THSD7A: variants seen among roughly 807,000 people sequenced by gnomAD.
THSD7A encodes thrombospondin type 1 domain containing 7A, also known as thrombospondin type-1 domain-containing protein 7A.
In THSD7A, 96 loss-of-function variants were observed where a neutral mutation model predicts 231.3. The observed-to-expected ratio is 0.41, with a 90% CI of 0.35 to 0.49. The LOEUF (loss-of-function observed/expected upper bound fraction) is 0.49, where lower values mean the gene tolerates loss of function less well. Ranked by LOEUF, THSD7A falls within the 20% of genes least tolerant of loss-of-function variation. The pLI is 0.05. For synonymous variants in THSD7A, 940 were observed against 743.3 expected (o/e 1.26, Z -4.30); for missense variants, 2,290 against 2,070.2 (o/e 1.11, Z -2.06).
chr7:11,824,440 TC>T (rs970017341), intron 1 of THSD7A, among the ~76,000 whole-genome samples: 6 of 152,054 alleles, frequency 3.9e-5, no homozygotes, highest in Non-Finnish European at 7.4e-5. Context: ...CCTCCCACCA[TC>T]AGGCCTGTCC....
chr7:11,608,132 T>G (rs1044232683), intron 2 of THSD7A, among the ~76,000 whole-genome samples: 1 of 152,128 alleles, frequency 6.6e-6, no homozygotes, highest in Non-Finnish European at 1.5e-5. Flanking sequence ...CCACCTCAAG[T>G]GAAAACTCTA....
chr7:11,464,213 G>T (rs1460618530), intron 9 of THSD7A, among the ~76,000 whole-genome samples: 1 of 151,736 alleles, frequency 6.6e-6, no homozygotes, highest in Non-Finnish European at 1.5e-5. Context: ...GTTTAACATT[G>T]GGGGAAGCAG....
intron 1 of THSD7A, among the ~76,000 whole-genome samples, chr7:11,689,037 C>G (rs1780152757): frequency 6.6e-6 from 1 of 151,730 alleles, no homozygotes; most frequent in South Asian, 2.1e-4. Context: ...TGCAAGTTTT[C>G]CTTTGTTTAG....
chr7:11,580,823 C>A (rs1031668704), intron 4 of THSD7A, among the ~76,000 whole-genome samples: 5 of 152,010 alleles, frequency 3.3e-5, no homozygotes, highest in Non-Finnish European at 7.4e-5. Flanking sequence ...ACAATCTGTA[C>A]AACAAACCCC....
chr7:11,471,726 T>A (rs75573506), intron 8 of THSD7A, among the ~76,000 whole-genome samples: 1 of 152,086 alleles, frequency 6.6e-6, no homozygotes, highest in African/African-American at 2.4e-5. Flanking sequence ...ATTTGAATCA[T>A]AGAAGCAAAT....
chr7:11,636,583 G>C lies in THSD7A; in HGVS notation c.569C>G (p.Pro190Arg). ...AGACACGATGCAATCTTGCTGGCAAGGAATGAGGCAAGCCTGCTCCAGGAG... is the reference window on the plus strand; with the variant it reads ...AGACACGATGCAATCTTGCTGGCAACGAATGAGGCAAGCCTGCTCCAGGAG... Reference protein sequence around the residue: ...KPLLEQACLIPCQQDCIVSEF... With the variant: ...KPLLEQACLIRCQQDCIVSEF... Residue 190 changes from proline to arginine, a missense_variant, in exon 2 of 28, where the codon CCT becomes CGT. Pro to Arg is a moderately radical substitution (Grantham distance 103). Transcript: ENST00000423059. The surrounding 1 kb of genome is among the most constrained non-coding windows in gnomAD (Gnocchi z 10.0). 6.2e-7 allele frequency: 1 copy of C among 1,613,998 alleles called. No homozygotes were observed. Among genetic ancestry groups the C allele is most frequent in the South Asian group, 1.1e-5 (1 of 91,086 alleles).
intron 1 of THSD7A, among the ~76,000 whole-genome samples, chr7:11,695,937 C>A (rs185473062): frequency 9.9e-5 from 15 of 151,506 alleles, no homozygotes; most frequent in Admixed American, 9.2e-4. Context: ...ATTGCAGTGG[C>A]CCATGGTAAA....
chr7:11,629,068 G>T (rs1407024126), intron 2 of THSD7A, among the ~76,000 whole-genome samples: 1 of 152,148 alleles, frequency 6.6e-6, no homozygotes, highest in Admixed American at 6.5e-5. Flanking sequence ...ATACAGGCAG[G>T]AGCCTTTGCT....
At chr7:11,478,222 C>A (rs553793888) in intron 7 of THSD7A, among the ~76,000 whole-genome samples, 30 of 152,328 alleles carry the variant, frequency 2.0e-4, no homozygotes, top group Admixed American at 1.2e-3. Context: ...ACCCACATGA[C>A]AGAAACACTC....
chr7:11,719,734 A>G (rs1424984422), intron 1 of THSD7A, among the ~76,000 whole-genome samples: 1 of 151,718 alleles, frequency 6.6e-6, no homozygotes, highest in East Asian at 2.0e-4. Flanking sequence ...CTATTCTTCT[A>G]GAAATCTCAC....
intron 4 of THSD7A, among the ~76,000 whole-genome samples, chr7:11,571,956 T>G (rs1790653592): frequency 6.6e-6 from 1 of 152,198 alleles, no homozygotes; most frequent in Admixed American, 6.5e-5. Flanking sequence ...TAACTGAATT[T>G]GAGATTTTTT....
At chr7:11,445,229 T>G (rs1250516734) in intron 13 of THSD7A, among the ~76,000 whole-genome samples, 3 of 152,080 alleles carry the variant, frequency 2.0e-5, no homozygotes, top group Non-Finnish European at 4.4e-5. Flanking sequence ...GATCATCATC[T>G]GGTGTTGCAA....
intron 4 of THSD7A, among the ~76,000 whole-genome samples, chr7:11,570,806 G>C (rs1392742501): frequency 6.6e-6 from 1 of 152,200 alleles, no homozygotes; most frequent in Non-Finnish European, 1.5e-5. Context: ...TAGGGGTGGA[G>C]AGGGATTTAA....
At position 11,592,366 on chromosome 7, in the gene THSD7A, T is replaced by C. The variant is rs77340208; in HGVS notation, c.1271+888A>G. Among the ~76,000 whole-genome samples the C allele has an allele frequency of 3.0e-4, 45 of 152,358 alleles. 1 individual carries two copies. Among genetic ancestry groups the C allele is most frequent in the Admixed American group, 7.8e-4 (12 of 15,308 alleles). ...CATGTTCTTTAAATGTTTGGAATAA[T>C]CCAGAGATGCTCTCAATGAAGTTCA... On this transcript the variant is annotated intron_variant, in intron 3 of 27. Coordinates refer to ENST00000423059, the MANE Select transcript of THSD7A (RefSeq NM_015204.3).
At chr7:11,430,679 G>T (rs189909491) in intron 13 of THSD7A, among the ~76,000 whole-genome samples, 22 of 152,128 alleles carry the variant, frequency 1.4e-4, no homozygotes, top group Admixed American at 9.2e-4. Flanking sequence ...TTACGGTGTT[G>T]CTCAGGTTGG....
rs1251526545 is a variant in THSD7A at position 11,634,724 on chromosome 7, G to T, written c.1022+1406C>A. ...TAGAATGGAAAAAGGGCAAATTACCGTACAGCTGAAATAAAATGCAATCGT... is the reference window on the plus strand; with the variant it reads ...TAGAATGGAAAAAGGGCAAATTACCTTACAGCTGAAATAAAATGCAATCGT... On this transcript the variant is annotated intron_variant, in intron 2 of 27. Coordinates refer to ENST00000423059, the MANE Select transcript of THSD7A (RefSeq NM_015204.3). This position sits in a 1 kb window ranked among gnomAD's most constrained non-coding sequence, Gnocchi z 4.1. Among the ~76,000 whole-genome samples, 1 of 151,936 alleles carries T rather than the reference G, an allele frequency of 6.6e-6. No individual in the cohort carries two copies. The highest frequency in any genetic ancestry group is 1.5e-5 in the Non-Finnish European group (1 of 67,960).
At chr7:11,541,800 A>G (rs556558069) in intron 5 of THSD7A, among the ~76,000 whole-genome samples, 169 bp from the exon 6 acceptor site, 14 of 152,212 alleles carry the variant, frequency 9.2e-5, no homozygotes, top group Non-Finnish European at 8.8e-5. Flanking sequence ...GTCATGAACC[A>G]TCCATTAAAT....
At chr7:11,537,927 G>A (rs1439349386) in intron 6 of THSD7A, among the ~76,000 whole-genome samples, 2 of 152,184 alleles carry the variant, frequency 1.3e-5, no homozygotes, top group Non-Finnish European at 2.9e-5. Flanking sequence ...GTTTGACATG[G>A]TGCTGAGAGT....
At chr7:11,594,233 G>A (rs903759285) in intron 2 of THSD7A, among the ~76,000 whole-genome samples, 3 of 152,044 alleles carry the variant, frequency 2.0e-5, no homozygotes, top group African/African-American at 7.2e-5. Flanking sequence ...GCTTGCAGAT[G>A]GCCTATTGTG....
Sources: gnomAD v4.1 joint callset for allele counts (sites outside exome capture counted in the v4.1 genomes callset) on GRCh38, gnomAD v4.1.1 for gene constraint, Gnocchi (gnomAD v3.1) non-coding constraint, MANE v1.5 for transcripts, NCBI Gene and HGNC (gene_info 2026-07-23, HGNC 2026-07-21) for gene names.